Variants in PRKCE observed in about 807,000 individuals in gnomAD.
PRKCE encodes the protein protein kinase C epsilon type.
A neutral mutation model predicts 85.4 loss-of-function variants in PRKCE; 16 were observed. The ratio of observed to expected loss-of-function variants is 0.19; its 90% CI spans 0.13 to 0.28. The LOEUF (loss-of-function observed/expected upper bound fraction) is 0.28. PRKCE is among the 10% of genes least tolerant of loss of function. The pLI is 1.00. For synonymous variants in PRKCE, 388 were observed against 371.5 expected, an observed-to-expected ratio of 1.04 and a Z score of -0.51; for missense variants, 573 against 975.2, an observed-to-expected ratio of 0.59 and a Z score of 5.49.
intron 1 of PRKCE, among the ~76,000 whole-genome samples, chr2:45,801,721 A>C (rs1259361842): frequency 2.0e-5 from 3 of 152,100 alleles, no homozygotes; most frequent in Non-Finnish European, 4.4e-5. Context: ...GTGGGAAAGG[A>C]AATGCAGCCC....
intron 9 of PRKCE, among the ~76,000 whole-genome samples, chr2:46,009,518 C>G (rs1281530258): frequency 6.6e-6 from 1 of 152,302 alleles, no homozygotes; most frequent in East Asian, 1.9e-4. Flanking sequence ...TTAAGTGAAA[C>G]TACTCAGTAT....
At chr2:45,797,152 GGTATA>G (rs953687989) in intron 1 of PRKCE, among the ~76,000 whole-genome samples, 1 of 152,144 alleles carries the variant, frequency 6.6e-6, no homozygotes, top group Non-Finnish European at 1.5e-5. Context: ...GTATGTAACA[GGTATA>G]GTATCATTAG....
chr2:45,994,013 G>T (rs913280498), intron 6 of PRKCE, among the ~76,000 whole-genome samples: 4 of 152,058 alleles, frequency 2.6e-5, no homozygotes, highest in East Asian at 1.9e-4. Context: ...GGCTGGTCTG[G>T]GGGGGCTCTC....
At chr2:45,687,530 A>G (rs1677392052) in intron 1 of PRKCE, among the ~76,000 whole-genome samples, 2 of 152,246 alleles carry the variant, frequency 1.3e-5, no homozygotes, top group African/African-American at 4.8e-5. Context: ...AAAAATGCAC[A>G]TACCCATGAA....
intron 1 of PRKCE, among the ~76,000 whole-genome samples, chr2:45,812,253 G>A (rs1445536663): frequency 1.3e-5 from 2 of 152,212 alleles, no homozygotes; most frequent in African/African-American, 4.8e-5. Context: ...AAAATGTAAA[G>A]CATCGCTCAA....
intron 2 of PRKCE, among the ~76,000 whole-genome samples, chr2:45,882,651 G>T (rs1343351620): frequency 6.6e-6 from 1 of 152,192 alleles, no homozygotes; most frequent in Non-Finnish European, 1.5e-5. Flanking sequence ...TCAGAAAATT[G>T]GCTTATTCTC....
chr2:46,024,305 CATT>C (rs1706925191), intron 10 of PRKCE, among the ~76,000 whole-genome samples: 1 of 144,086 alleles, frequency 6.9e-6, no homozygotes, highest in African/African-American at 2.5e-5. Flanking sequence ...GTTATGAGGA[CATT>C]TTTTTTTTTT....
chr2:45,817,404 A>T (rs1689148959), intron 1 of PRKCE, among the ~76,000 whole-genome samples: 1 of 152,204 alleles, frequency 6.6e-6, no homozygotes, highest in African/African-American at 2.4e-5. Context: ...TCTTTAAAAA[A>T]ACTTTCCGGC....
intron 11 of PRKCE, among the ~76,000 whole-genome samples, chr2:46,096,112 G>A (rs376867574): frequency 5.9e-5 from 9 of 152,208 alleles, no homozygotes; most frequent in African/African-American, 2.2e-4. Context: ...GTTGGAGACA[G>A]CACAGAGTTT....
chr2:45,688,874 A>G (rs2104026760), intron 1 of PRKCE, among the ~76,000 whole-genome samples: 1 of 152,346 alleles, frequency 6.6e-6, no homozygotes, highest in Non-Finnish European at 1.5e-5. Context: ...AGACTCTCTT[A>G]TCAGTAAGCT....
chr2:45,683,878 G>A (rs755681866), intron 1 of PRKCE, among the ~76,000 whole-genome samples: 29 of 152,180 alleles, frequency 1.9e-4, no homozygotes, highest in Non-Finnish European at 4.0e-4. Context: ...TCCATTGATA[G>A]GCAGCTAAGT....
chr2:45,920,380 G>A (rs1698162271), intron 2 of PRKCE, among the ~76,000 whole-genome samples: 1 of 152,130 alleles, frequency 6.6e-6, no homozygotes. Flanking sequence ...GATTAAACGT[G>A]GTTGCCATAT....
chr2:45,719,031 A>G (rs1319601762), intron 1 of PRKCE, among the ~76,000 whole-genome samples: 1 of 152,234 alleles, frequency 6.6e-6, no homozygotes, highest in East Asian at 1.9e-4. Flanking sequence ...ATTTATTAAA[A>G]CTTGTGGAGT....
rs562595817 is a variant in PRKCE at position 46,133,176 on chromosome 2, G to A, written c.1593-11917G>A. 5.3e-5 allele frequency among the ~76,000 whole-genome samples: 8 copies of A among 152,258 alleles called. No homozygotes were observed. The South Asian group carries it at 1.2e-3, about 24-fold the overall frequency. ...TTCTGGACCCGGTATTGGGTTCTACGGTCCACTTCCGCCAGGCTCCAAGAA... is the reference window on the plus strand; with the variant it reads ...TTCTGGACCCGGTATTGGGTTCTACAGTCCACTTCCGCCAGGCTCCAAGAA... On this transcript the variant is annotated intron_variant, in intron 11 of 14. Coordinates refer to ENST00000306156, the MANE Select transcript of PRKCE (RefSeq NM_005400.3).
chr2:45,818,772 G>A (rs1573480162), intron 1 of PRKCE, among the ~76,000 whole-genome samples: 2 of 152,136 alleles, frequency 1.3e-5, no homozygotes, highest in Non-Finnish European at 2.9e-5. Flanking sequence ...TTTCTCCTTT[G>A]CCCTGCCGCA....
intron 14 of PRKCE, among the ~76,000 whole-genome samples, chr2:46,172,104 A>G (rs1054942468): frequency 2.0e-5 from 3 of 152,232 alleles, no homozygotes; most frequent in African/African-American, 7.2e-5. Flanking sequence ...AGTGGGCTCA[A>G]CGGTGGAGAG....
chr2:46,180,056 C>G (rs1679816305), intron 14 of PRKCE, among the ~76,000 whole-genome samples: 1 of 152,200 alleles, frequency 6.6e-6, no homozygotes, highest in Admixed American at 6.5e-5. Flanking sequence ...TCAACCCAGT[C>G]TCTGCCTGCA....
intron 1 of PRKCE, among the ~76,000 whole-genome samples, chr2:45,674,144 G>A (rs548882184): frequency 3.9e-5 from 6 of 152,268 alleles, no homozygotes; most frequent in African/African-American, 7.2e-5. Context: ...GTTGACTTGC[G>A]GCGAAAATGT....
chr2:45,732,621 G>A (rs1390369200), intron 1 of PRKCE, among the ~76,000 whole-genome samples: 1 of 152,136 alleles, frequency 6.6e-6, no homozygotes, highest in Non-Finnish European at 1.5e-5. Flanking sequence ...GCTTCCTCCA[G>A]GAAGTCTTCC....
Sources: allele counts gnomAD v4.1 joint callset (sites outside exome capture counted in the v4.1 genomes callset), GRCh38; gene constraint gnomAD v4.1.1; transcripts MANE v1.5; gene names NCBI Gene and HGNC (gene_info 2026-07-23, HGNC 2026-07-21).